CCDC7: variants seen among roughly 807,000 people sequenced by gnomAD.
CCDC7 encodes coiled-coil domain-containing protein 7.
In CCDC7, 183 loss-of-function variants were observed where a neutral mutation model predicts 196.9. The ratio of observed to expected loss-of-function variants is 0.93; its 90% CI spans 0.82 to 1.05. CCDC7 has a LOEUF of 1.05. Among genes scored for constraint, CCDC7 ranks in the 50% least tolerant of loss-of-function variants. CCDC7 has a pLI of 0.00. For missense variants in CCDC7, 1,540 were observed against 1,482.2 expected (o/e 1.04, Z -0.64); for synonymous variants, 525 against 484.6 (o/e 1.08, Z -1.10).
At chr10:32,685,026 T>G (rs1389558157) in intron 21 of CCDC7, among the ~76,000 whole-genome samples, 1 of 152,076 alleles carries the variant, frequency 6.6e-6, no homozygotes, top group African/African-American at 2.4e-5. Flanking sequence ...CGAGGTATAC[T>G]TAGAGAAGTT....
At chr10:32,837,235 A>G (rs2092674383) in intron 33 of CCDC7, among the ~76,000 whole-genome samples, 1 of 152,178 alleles carries the variant, frequency 6.6e-6, no homozygotes, top group Non-Finnish European at 1.5e-5. Context: ...CAAGAAAAAA[A>G]CAAACAGCCC....
At chr10:32,764,421 A>C (rs942260763) in intron 28 of CCDC7, among the ~76,000 whole-genome samples, 1 of 151,688 alleles carries the variant, frequency 6.6e-6, no homozygotes, top group Non-Finnish European at 1.5e-5. Context: ...AAGTTAGATC[A>C]CACCAAATTT....
At chr10:32,475,236 T>A (rs1450080586) in intron 8 of CCDC7, among the ~76,000 whole-genome samples, 1 of 152,140 alleles carries the variant, frequency 6.6e-6, no homozygotes, top group Non-Finnish European at 1.5e-5. Flanking sequence ...GTGACCAGTA[T>A]GCTCTGAGTT....
chr10:32,794,193 C>T (rs191488548), intron 29 of CCDC7, among the ~76,000 whole-genome samples: 5 of 152,266 alleles, frequency 3.3e-5, no homozygotes, highest in Non-Finnish European at 1.5e-5. Flanking sequence ...GGTTTTCTGT[C>T]CCTGCATTGT....
chr10:32,472,884 C>T (rs1382320958), intron 7 of CCDC7, among the ~76,000 whole-genome samples: 1 of 152,130 alleles, frequency 6.6e-6, no homozygotes, highest in Non-Finnish European at 1.5e-5. Context: ...GCATGAGCCG[C>T]CATGCCCGGC....
At chr10:32,759,688 G>A (rs1475542180) in intron 28 of CCDC7, among the ~76,000 whole-genome samples, 3 of 152,136 alleles carry the variant, frequency 2.0e-5, no homozygotes, top group African/African-American at 7.2e-5. Context: ...GCATGGGCAA[G>A]GACTTCATGT....
intron 21 of CCDC7, among the ~76,000 whole-genome samples, chr10:32,666,645 C>G (rs1028938647): frequency 6.6e-6 from 1 of 151,002 alleles, no homozygotes. Flanking sequence ...TTTGTCCTTG[C>G]GATAGTTTGC....
chr10:32,610,200 G>T (rs2138703137), intron 18 of CCDC7, among the ~76,000 whole-genome samples: 1 of 152,220 alleles, frequency 6.6e-6, no homozygotes, highest in Middle Eastern at 3.4e-3. Flanking sequence ...TGCCTCCCAG[G>T]TTCATGCCAT....
At chr10:32,788,235 T>A (rs567229455) in intron 29 of CCDC7, among the ~76,000 whole-genome samples, 17 of 152,084 alleles carry the variant, frequency 1.1e-4, no homozygotes, top group African/African-American at 4.1e-4. Flanking sequence ...AGGCTTCACA[T>A]GTACCTGAGG....
chr10:32,727,998 G>T (rs1248273416), intron 26 of CCDC7, among the ~76,000 whole-genome samples: 5 of 152,124 alleles, frequency 3.3e-5, no homozygotes, highest in African/African-American at 1.2e-4. Flanking sequence ...TGATTTTAGT[G>T]GTAGGTTCAT....
chr10:32,852,501 T>G (rs913648219), intron 40 of CCDC7, among the ~76,000 whole-genome samples: 1 of 152,144 alleles, frequency 6.6e-6, no homozygotes, highest in African/African-American at 2.4e-5. Context: ...TATTTTTTTA[T>G]AAACGGAGTC....
intron 16 of CCDC7, among the ~76,000 whole-genome samples, chr10:32,575,231 G>T (rs200167507): frequency 6.6e-6 from 1 of 152,070 alleles, no homozygotes; most frequent in African/African-American, 2.4e-5. Context: ...AAAATATTTT[G>T]TTTCTTTTCA....
intron 9 of CCDC7, among the ~76,000 whole-genome samples, chr10:32,507,578 G>A (rs1457999504): frequency 6.6e-6 from 1 of 152,074 alleles, no homozygotes; most frequent in Non-Finnish European, 1.5e-5. Flanking sequence ...AGCCTCCTGA[G>A]TAGCTGGAAT....
At chr10:32,611,033 C>T (rs2062070012) in intron 18 of CCDC7, among the ~76,000 whole-genome samples, 1 of 152,158 alleles carries the variant, frequency 6.6e-6, no homozygotes, top group African/African-American at 2.4e-5. Flanking sequence ...ATTGACACTC[C>T]CACCAATGGT....
intron 29 of CCDC7, among the ~76,000 whole-genome samples, chr10:32,794,120 C>T (rs934957682): frequency 6.6e-6 from 1 of 152,174 alleles, no homozygotes; most frequent in African/African-American, 2.4e-5. Flanking sequence ...CTCCCACTCT[C>T]CTCCACATCA....
At chr10:32,774,319 C>T (rs984189302) in intron 28 of CCDC7, among the ~76,000 whole-genome samples, 34 of 151,928 alleles carry the variant, frequency 2.2e-4, no homozygotes, top group South Asian at 1.0e-3. Flanking sequence ...CAGTTCATCC[C>T]AGGTGGTTCA....
chr10:32,748,793 G>A (rs192667253), intron 28 of CCDC7, among the ~76,000 whole-genome samples: 2 of 152,208 alleles, frequency 1.3e-5, no homozygotes, highest in South Asian at 2.1e-4. Context: ...AACCCTAGTC[G>A]GTTTGGCTCT....
intron 28 of CCDC7, among the ~76,000 whole-genome samples, chr10:32,730,058 G>T (rs539274431): frequency 8.5e-5 from 13 of 152,204 alleles, no homozygotes; most frequent in Non-Finnish European, 1.2e-4. Flanking sequence ...ATAGGTAAAT[G>T]TGTGCCATTG....
At chr10:32,476,723 G>A (rs2039042138) in intron 8 of CCDC7, among the ~76,000 whole-genome samples, 1 of 152,234 alleles carries the variant, frequency 6.6e-6, no homozygotes, top group Non-Finnish European at 1.5e-5. Context: ...TCAGCATTTA[G>A]AATTGACAGT....
Sources: allele counts gnomAD v4.1 joint callset (sites outside exome capture counted in the v4.1 genomes callset), GRCh38; gene constraint gnomAD v4.1.1; transcripts MANE v1.5; gene names NCBI Gene and HGNC (gene_info 2026-07-23, HGNC 2026-07-21).